The following CDHR1 variants were observed in gnomAD, a reference collection of about 807,000 sequenced individuals.
The protein encoded by CDHR1 is cadherin related family member 1, also known as cadherin-related family member 1.
Under a neutral mutation model 72.1 loss-of-function variants are expected in CDHR1, and 61 were observed. The ratio of observed to expected loss-of-function variants is 0.85; its 90% CI spans 0.69 to 1.05. The LOEUF (loss-of-function observed/expected upper bound fraction) is 1.05. Among genes scored for constraint, CDHR1 ranks in the 50% least tolerant of loss-of-function variants. The pLI, the probability that CDHR1 is intolerant of heterozygous loss-of-function variation, is 0.00. For missense variants in CDHR1, 1,186 were observed against 1,115.7 expected, an observed-to-expected ratio of 1.06 and a Z score of -0.90; for synonymous variants, 470 against 448.1, an observed-to-expected ratio of 1.05 and a Z score of -0.62.
In CDHR1 at chr10:84,214,926, C is replaced by T. The variant is rs41291360; in HGVS notation, c.*305C>T. On this transcript the variant is annotated 3_prime_UTR_variant, in exon 17 of 17. Transcript: ENST00000623527. ...TCCATTCTTCAGGGCTGAGAATTGA[C>T]GAGAAGCCAGCTCACCCATCCCAGA... The T allele has an allele frequency of 7.8e-3, 10,224 of 1,310,406 alleles. 55 individuals carry two copies. Among genetic ancestry groups the T allele is most frequent in the Non-Finnish European group, 9.1e-3 (9,319 of 1,022,986 alleles). 81.2% of individuals were successfully genotyped at this position (1,310,406 alleles called of 1,614,324 possible).
chr10:84,195,227 G>A (rs1842006321), intron 1 of CDHR1, among the ~76,000 whole-genome samples: 2 of 152,348 alleles, frequency 1.3e-5, no homozygotes, highest in Admixed American at 1.3e-4. Context: ...CATTGATGAA[G>A]GAGGGGTTGG....
rs374523050 is a variant in CDHR1, at chr10:84,215,633, T to C, written c.*1012T>C. ...CTCACATGCAGGTCTAGGGTGAGGA[T>C]TGAAGAAAATAGTGGTGATGAGGGC... On this transcript the variant is annotated 3_prime_UTR_variant, in exon 17 of 17. Transcript: ENST00000623527. 7 of 964,694 alleles carry C rather than the reference T, an allele frequency of 7.3e-6. No individual in the cohort carries two copies. In the African/African-American group the frequency reaches 8.8e-5, roughly 12 times the overall value. 59.8% of individuals were successfully genotyped at this position (964,694 alleles called of 1,614,324 possible).
At chr10:84,203,829 G>C (rs1255335285) in intron 8 of CDHR1, among the ~76,000 whole-genome samples, 3 of 152,232 alleles carry the variant, frequency 2.0e-5, no homozygotes, top group Non-Finnish European at 4.4e-5. Context: ...CTGCAGGGTG[G>C]GCCAGCGTAG....
In CDHR1 at chr10:84,196,590, C is replaced by T. The variant is rs147597566; in HGVS notation, c.237C>T (p.Ser79=). ...YHISFDPSTR[S]VFSVDPTFGN... ...TCAGCTTTGACCCCAGCACTAGAAG[C>T]GTCTTTTCTGTTGACCCCACTTTTG... The change falls in exon 3 of 17, where the codon AGC becomes AGT. Residue 79 remains serine (S), a synonymous_variant. Coordinates refer to ENST00000623527, the MANE Select transcript of CDHR1 (RefSeq NM_033100.4). The T allele has an allele frequency of 1.2e-5, 20 of 1,614,076 alleles. No homozygotes were observed. The highest frequency in any genetic ancestry group is 5.0e-5 in the Admixed American group (3 of 60,008).
In CDHR1 at chr10:84,208,208, C is replaced by T. The variant is rs372832377; in HGVS notation, c.998C>T (p.Ala333Val). 2 of 1,614,062 alleles carry T rather than the reference C, an allele frequency of 1.2e-6. No homozygotes were observed. Among genetic ancestry groups the T allele is most frequent in the African/African-American group, 2.7e-5 (2 of 74,922 alleles). The change falls in exon 11 of 17, where the codon GCC becomes GTC. Residue 333 changes from alanine (A) to valine (V), a missense_variant. Coordinates refer to ENST00000623527, the MANE Select transcript of CDHR1 (RefSeq NM_033100.4). Reference sequence around the variant, plus strand: ...ATGAGCCCTGCGGGGAGCCCAGCTGCCCAGGCCACCGTCCCAGTCACCATC... The same window carrying T: ...ATGAGCCCTGCGGGGAGCCCAGCTGTCCAGGCCACCGTCCCAGTCACCATC... ...TEMSPAGSPAAQATVPVTIRI... is the reference protein window; with the variant it reads ...TEMSPAGSPAVQATVPVTIRI...
intron 5 of CDHR1, among the ~76,000 whole-genome samples, chr10:84,200,391 C>T (rs1842101796): frequency 6.6e-6 from 1 of 152,138 alleles, no homozygotes; most frequent in South Asian, 2.1e-4. Context: ...AGCCCCTCAC[C>T]ACGTCTTTTT....
Position 84,215,024 on chromosome 10 carries a change from G to A in CDHR1, c.*403G>A. ...CAAGCAGCAGGGCCCTGGCCACGTG[G>A]AGCAACACTGACTAGAATCTGGATC... On this transcript the variant is annotated 3_prime_UTR_variant, in exon 17 of 17. Transcript: ENST00000623527. 1 of 1,115,772 alleles carries A rather than the reference G, an allele frequency of 9.0e-7. No homozygotes were observed. The highest frequency in any genetic ancestry group is 1.1e-6 in the Non-Finnish European group (1 of 907,508). The allele number at this position is 1,115,772 out of a possible 1,614,324, so 69.1% of individuals were successfully genotyped here.
In CDHR1 at chr10:84,194,560, C is replaced by A. The variant is rs1329502647; in HGVS notation, c.-201C>A. On this transcript the variant is annotated 5_prime_UTR_variant, in exon 1 of 17. Coordinates refer to ENST00000623527, the MANE Select transcript of CDHR1 (RefSeq NM_033100.4). ...CCGCTAATTGGTCTCGTCAGGCGGC[C>A]GGCAGGAGCAGATCCGAGCCGTGTC... is the stretch of plus-strand genomic sequence containing the variant. The A allele has an allele frequency of 2.2e-6, 1 of 459,128 alleles. No homozygotes were observed. The highest frequency in any genetic ancestry group is 3.7e-5 in the East Asian group (1 of 26,726). The allele number at this position is 459,128 out of a possible 1,614,324, so 28.4% of individuals were successfully genotyped here.
rs1842427988 is a variant in CDHR1, at chr10:84,216,489, T to C, written c.*1868T>C. The C allele has an allele frequency of 2.0e-6, 2 of 985,392 alleles. No individual in the cohort carries two copies. Among genetic ancestry groups the C allele is most frequent in the African/African-American group, 3.5e-5 (2 of 57,262 alleles). The allele number at this position is 985,392 out of a possible 1,614,324, so 61.0% of individuals were successfully genotyped here. On this transcript the variant is annotated 3_prime_UTR_variant, in exon 17 of 17. Transcript: ENST00000623527. ...TTACAGCTTGCATGCAATCAACCTC[T>C]TTTGTAAATGGAAAATAAAGTCTGT...
intron 6 of CDHR1, among the ~76,000 whole-genome samples, chr10:84,201,080 G>A (rs1280523177): frequency 6.6e-6 from 1 of 152,068 alleles, no homozygotes. Context: ...AGGCCCAGAA[G>A]TCCCCTGGAC....
chr10:84,216,614 T>C lies in CDHR1; in HGVS notation c.*1993T>C. 1.0e-6 allele frequency: 1 copy of C among 985,520 alleles called. No homozygotes were observed. Among genetic ancestry groups the C allele is most frequent in the Non-Finnish European group, 1.2e-6 (1 of 829,954 alleles). The allele number at this position is 985,520 out of a possible 1,614,324, so 61.0% of individuals were successfully genotyped here. ...GACACACAGTGAAGCTCAACTTGCC[T>C]CCTGGCTGCTTCAGCAGGTGGATCC... On this transcript the variant is annotated 3_prime_UTR_variant, in exon 17 of 17. Coordinates refer to ENST00000623527, the MANE Select transcript of CDHR1 (RefSeq NM_033100.4).
chr10:84,197,720 T>A, intron 3 of CDHR1, 66 bp from the exon 4 acceptor site: 1 of 1,452,910 alleles, frequency 6.9e-7, no homozygotes, highest in South Asian at 1.1e-5. Context: ...GAGAGCTCCA[T>A]CCAGCCACAG....
chr10:84,211,208 C>T, intron 13 of CDHR1, 43 bp downstream of exon 13: 7 of 1,602,510 alleles, frequency 4.4e-6, no homozygotes, highest in Non-Finnish European at 6.0e-6. Flanking sequence ...GATAGGAGGC[C>T]TTGTGAAGCC....
Position 84,208,226 on chromosome 10 carries a change from T to C in CDHR1, c.1016T>C (p.Val339Ala). Reference sequence around the variant, plus strand: ...CCAGCTGCCCAGGCCACCGTCCCAGTCACCATCAGGATTGTGGACCTCAAC... The same window carrying C: ...CCAGCTGCCCAGGCCACCGTCCCAGCCACCATCAGGATTGTGGACCTCAAC... ...GSPAAQATVP[V>A]TIRIVDLNNH... The change falls in exon 11 of 17, where the codon GTC becomes GCC. Residue 339 changes from valine (V) to alanine (A), a missense_variant. Transcript: ENST00000623527. 6.2e-7 allele frequency: 1 copy of C among 1,614,122 alleles called. No homozygotes were observed. The highest frequency in any genetic ancestry group is 8.5e-7 in the Non-Finnish European group (1 of 1,180,026).
intron 9 of CDHR1, 156 bp from the exon 10 acceptor site, chr10:84,205,671 G>A (rs2132814067): frequency 1.5e-6 from 1 of 687,976 alleles, no homozygotes; most frequent in Admixed American, 2.0e-5. Context: ...AAGTTACTTA[G>A]CCCCTCTGAG....
chr10:84,196,107 A>G (rs1589293053), intron 2 of CDHR1, among the ~76,000 whole-genome samples: 1 of 152,030 alleles, frequency 6.6e-6, no homozygotes, highest in East Asian at 1.9e-4. Context: ...ACTGTGGGTC[A>G]CCCCTCCTGC....
Position 84,217,493 on chromosome 10 carries a change from G to A in CDHR1, c.*2872G>A. 1 of 978,998 alleles carries A rather than the reference G, an allele frequency of 1.0e-6. No individual in the cohort carries two copies. Among genetic ancestry groups the A allele is most frequent in the Non-Finnish European group, 1.2e-6 (1 of 824,142 alleles). The allele number at this position is 978,998 out of a possible 1,614,324, so 60.6% of individuals were successfully genotyped here. On this transcript the variant is annotated 3_prime_UTR_variant, in exon 17 of 17. Coordinates refer to ENST00000623527, the MANE Select transcript of CDHR1 (RefSeq NM_033100.4). ...GGTTCTGCCATTAATTGTGACTTTG[G>A]GCAAGAGGTCAAGTCTCTCTGGGCC...
intron 6 of CDHR1, among the ~76,000 whole-genome samples, chr10:84,201,580 G>T (rs2132802502): frequency 6.6e-6 from 1 of 152,312 alleles, no homozygotes; most frequent in Middle Eastern, 3.4e-3. Flanking sequence ...GAAAAACAAA[G>T]GCCCAAAAGG....
Position 84,218,194 on chromosome 10 carries a change from T to G in CDHR1, c.*3573T>G, listed in dbSNP as rs1842456804. The G allele has an allele frequency of 5.1e-6, 5 of 985,302 alleles. No homozygotes were observed. The South Asian group carries it at 2.3e-4, about 46-fold the overall frequency. The allele number at this position is 985,302 out of a possible 1,614,324, so 61.0% of individuals were successfully genotyped here. A position where few individuals can be genotyped will look rare whatever the true frequency, so the allele number is the denominator to read the frequency against. The stretch of plus-strand genomic sequence containing the variant: ...AGGCAGGAGACTGGCATGTGCCACA[T>G]GGAGGACCCCTTAGGAAACTCACAA... On this transcript the variant is annotated 3_prime_UTR_variant, in exon 17 of 17. Coordinates refer to ENST00000623527, the MANE Select transcript of CDHR1 (RefSeq NM_033100.4).
Sources: allele counts gnomAD v4.1 joint callset (sites outside exome capture counted in the v4.1 genomes callset), GRCh38; gene constraint gnomAD v4.1.1; transcripts MANE v1.5; gene names NCBI Gene and HGNC (gene_info 2026-07-23, HGNC 2026-07-21).